The following VDR variants were observed in gnomAD, a reference collection of about 807,000 sequenced individuals.
The protein encoded by VDR is vitamin D receptor, also known as vitamin D3 receptor.
A neutral mutation model predicts 39.7 loss-of-function variants in VDR; 19 were observed. The ratio of observed to expected loss-of-function variants is 0.48; its 90% CI spans 0.33 to 0.70. VDR has a LOEUF of 0.70. Ranked by LOEUF, VDR falls within the 30% of genes least tolerant of loss-of-function variation. The pLI is 0.02. For synonymous variants in VDR, 242 were observed against 215.8 expected, an observed-to-expected ratio of 1.12 and a Z score of -1.07; for missense variants, 442 against 570.5, an observed-to-expected ratio of 0.77 and a Z score of 2.29.
intron 1 of VDR, among the ~76,000 whole-genome samples, chr12:47,897,789 A>C (rs1269616951): frequency 6.6e-6 from 1 of 152,174 alleles, no homozygotes; most frequent in East Asian, 1.9e-4. Flanking sequence ...AGGCCAAAGA[A>C]CAAGGCCAGA....
chr12:47,882,624 C>CCCCCGG, intron 2 of VDR, 70 bp downstream of exon 2: 1 of 422,404 alleles, frequency 2.4e-6, no homozygotes, highest in Non-Finnish European at 4.3e-6. Flanking sequence ...CCTTCTTATG[C>CCCCCGG]CCCTCCCCCC....
At chr12:47,882,850 C>T (rs1324525280) in intron 1 of VDR, 76 bp from the exon 2 acceptor site, 9 of 1,206,144 alleles carry the variant, frequency 7.5e-6, no homozygotes, top group South Asian at 6.8e-5. Flanking sequence ...GAAGTGGGCA[C>T]GAGAGGCTCT....
At chr12:47,859,450 C>T (rs1945562239) in intron 4 of VDR, among the ~76,000 whole-genome samples, 3 of 152,210 alleles carry the variant, frequency 2.0e-5, no homozygotes, top group Admixed American at 2.0e-4. Context: ...GGAACATGAC[C>T]TGCTCATGCT....
intron 1 of VDR, among the ~76,000 whole-genome samples, chr12:47,895,152 C>A (rs1331475067): frequency 1.3e-5 from 2 of 152,160 alleles, no homozygotes; most frequent in South Asian, 2.1e-4. Context: ...TTTTTCCAGG[C>A]ATTTAAGAAT....
intron 1 of VDR, among the ~76,000 whole-genome samples, chr12:47,902,140 C>A (rs1055207987): frequency 6.6e-6 from 1 of 152,198 alleles, no homozygotes; most frequent in South Asian, 2.1e-4. Flanking sequence ...TCCATTTTTC[C>A]CTGGAAAGTT....
chr12:47,849,551 T>C (rs1188606243), intron 7 of VDR, among the ~76,000 whole-genome samples: 1 of 152,250 alleles, frequency 6.6e-6, no homozygotes, highest in Non-Finnish European at 1.5e-5. Flanking sequence ...TGGGACTTCC[T>C]TTGAACCATA....
At chr12:47,879,270 C>A (rs1238820289) in intron 2 of VDR, among the ~76,000 whole-genome samples, 155 bp from the exon 3 acceptor site, 2 of 150,718 alleles carry the variant, frequency 1.3e-5, no homozygotes, top group African/African-American at 4.9e-5. Context: ...AGGGCCCAGG[C>A]CTGAGCACAG....
rs535261898 is a variant in VDR at position 47,852,212 on chromosome 12, G to T, written c.755+3418C>A. ...ACTGAACCTGGAATCACTGTATCTG[G>T]AAAGGGCCGTGGGGGCCCTCTGTCC... On this transcript the variant is annotated intron_variant, in intron 7 of 9. Transcript: ENST00000549336. Among the ~76,000 whole-genome samples the T allele has an allele frequency of 4.1e-4, 62 of 152,336 alleles. 1 individual carries two copies. Among genetic ancestry groups the T allele is most frequent in the African/African-American group, 1.3e-3 (56 of 41,574 alleles).
At chr12:47,856,762 C>G (rs753688428) in intron 6 of VDR, among the ~76,000 whole-genome samples, 3 of 152,148 alleles carry the variant, frequency 2.0e-5, no homozygotes, top group Non-Finnish European at 4.4e-5. Flanking sequence ...CCAACACGTT[C>G]ACCTTCCCAC....
chr12:47,881,308 G>A (rs982066875), intron 2 of VDR, among the ~76,000 whole-genome samples: 1 of 152,042 alleles, frequency 6.6e-6, no homozygotes, highest in African/African-American at 2.4e-5. Flanking sequence ...TGTACATATG[G>A]ACATAAAGAT....
At position 47,888,013 on chromosome 12, in the gene VDR, T is replaced by C. The variant is rs895224240; in HGVS notation, c.-83-5239A>G. Among the ~76,000 whole-genome samples, 5 of 152,164 alleles carry C rather than the reference T, an allele frequency of 3.3e-5. No individual in the cohort carries two copies. In the East Asian group the frequency reaches 5.8e-4, roughly 18 times the overall value. On this transcript the variant is annotated intron_variant, in intron 1 of 9. Transcript: ENST00000549336. The stretch of plus-strand genomic sequence containing the variant: ...TGTTTTCACGATGCTGATAAAGACA[T>C]ACCTGAGACTGGGAAGAGAAAGAGG...
chr12:47,867,995 T>C (rs1409215774), intron 3 of VDR, among the ~76,000 whole-genome samples: 1 of 152,154 alleles, frequency 6.6e-6, no homozygotes, highest in African/African-American at 2.4e-5. Context: ...CCCAGACTCT[T>C]AGATCCACAG....
At chr12:47,878,760 AAG>A in intron 3 of VDR, 1 of 827,126 alleles carries the variant, frequency 1.2e-6, no homozygotes. Flanking sequence ...AGCGATTTCC[AAG>A]AGAGTCAGAG....
chr12:47,881,420 C>T (rs1946148128), intron 2 of VDR, among the ~76,000 whole-genome samples: 1 of 152,082 alleles, frequency 6.6e-6, no homozygotes, highest in South Asian at 2.1e-4. Context: ...CATTCATACT[C>T]AAAACCTCAG....
At chr12:47,866,497 C>T (rs1945740020) in intron 3 of VDR, among the ~76,000 whole-genome samples, 1 of 152,194 alleles carries the variant, frequency 6.6e-6, no homozygotes, top group African/African-American at 2.4e-5. Flanking sequence ...ATGAAGTCTT[C>T]TAGATTCTAG....
chr12:47,882,200 G>A (rs1946164059), intron 2 of VDR, among the ~76,000 whole-genome samples: 1 of 152,262 alleles, frequency 6.6e-6, no homozygotes, highest in East Asian at 1.9e-4. Flanking sequence ...GGAAAGGCTG[G>A]ATCAAGCAGC....
chr12:47,874,100 C>A (rs1945951431), intron 3 of VDR, among the ~76,000 whole-genome samples: 1 of 152,188 alleles, frequency 6.6e-6, no homozygotes, highest in South Asian at 2.1e-4. Context: ...TTCTTGATAG[C>A]TTCAGTGACC....
chr12:47,898,649 C>T (rs1345554314), intron 1 of VDR: 2 of 154,864 alleles, frequency 1.3e-5, no homozygotes, highest in Non-Finnish European at 2.9e-5. Flanking sequence ...ATATACAAAT[C>T]GTGGTGTATT....
chr12:47,859,070 C>T (rs551297189), intron 4 of VDR, among the ~76,000 whole-genome samples: 4 of 152,308 alleles, frequency 2.6e-5, no homozygotes, highest in Admixed American at 2.6e-4. Context: ...TGCACAGACC[C>T]TACCAGGTCA....
Sources: gnomAD v4.1 joint callset for allele counts (sites outside exome capture counted in the v4.1 genomes callset) on GRCh38, gnomAD v4.1.1 for gene constraint, MANE v1.5 for transcripts, NCBI Gene and HGNC (gene_info 2026-07-23, HGNC 2026-07-21) for gene names.